GALNT2: variants seen among roughly 807,000 people sequenced by gnomAD.
GALNT2 encodes polypeptide N-acetylgalactosaminyltransferase 2.
In GALNT2, 31 loss-of-function variants were observed where a neutral mutation model predicts 81.4. That is an observed-to-expected ratio of 0.38 (90% CI 0.29 to 0.51). The LOEUF is 0.51. Ranked by LOEUF, GALNT2 falls within the 20% of genes least tolerant of loss-of-function variation. The pLI, the probability that GALNT2 is intolerant of heterozygous loss-of-function variation, is 0.87. For synonymous variants in GALNT2, 303 were observed against 287.4 expected (o/e 1.05, Z -0.55); for missense variants, 629 against 765.7 (o/e 0.82, Z 2.11).
At chr1:230,081,013 G>C (rs1267433968) in intron 1 of GALNT2, among the ~76,000 whole-genome samples, 1 of 152,188 alleles carries the variant, frequency 6.6e-6, no homozygotes, top group Non-Finnish European at 1.5e-5. Flanking sequence ...GAGCCCAGAG[G>C]CTCCTGTTCC....
At chr1:230,256,291 C>A (rs1227250984) in intron 11 of GALNT2, among the ~76,000 whole-genome samples, 1 of 152,110 alleles carries the variant, frequency 6.6e-6, no homozygotes, top group Admixed American at 6.5e-5. Flanking sequence ...ACTAAAAATA[C>A]AAAAATTAAC....
chr1:230,089,206 G>A (rs192048835), intron 1 of GALNT2, among the ~76,000 whole-genome samples: 117 of 151,258 alleles, frequency 7.7e-4, no homozygotes, highest in South Asian at 3.8e-3. Context: ...GAGTGCAATG[G>A]TGTGATCTCG....
chr1:230,132,803 T>G (rs1225816843), intron 1 of GALNT2, among the ~76,000 whole-genome samples: 2 of 152,306 alleles, frequency 1.3e-5, no homozygotes, highest in East Asian at 3.9e-4. Flanking sequence ...AATATCCGAG[T>G]GTCTATTGTG....
rs377714553 is a variant in GALNT2 at position 230,279,268 on chromosome 1, G to T, written c.1561-35G>T. The T allele has an allele frequency of 2.3e-5, 36 of 1,594,220 alleles. No individual in the cohort carries two copies. In the South Asian group the frequency reaches 3.7e-4, roughly 16 times the overall value. ...AATCTGTTTGTACTCCTTTGCTTGT[G>T]CCCACACTCTAAGGCACTCTCCTGT... is the stretch of plus-strand genomic sequence containing the variant. On this transcript the variant is annotated intron_variant, in intron 15 of 15. Transcript: ENST00000366672. This position sits in a 1 kb window ranked among gnomAD's most constrained non-coding sequence, Gnocchi z 4.6.
intron 7 of GALNT2, among the ~76,000 whole-genome samples, chr1:230,245,229 C>T (rs948041526): frequency 4.0e-5 from 6 of 151,808 alleles, no homozygotes; most frequent in African/African-American, 1.5e-4. Flanking sequence ...TTTGGGAGGC[C>T]GAGGCAGGCA....
intron 13 of GALNT2, 76 bp from the exon 14 acceptor site, chr1:230,265,164 CA>C: frequency 6.3e-7 from 1 of 1,596,798 alleles, no homozygotes; most frequent in Non-Finnish European, 8.6e-7. Context: ...GTCATGAGGC[CA>C]CTGAGCAAAG....
At chr1:230,076,703 A>G (rs917650624) in intron 1 of GALNT2, among the ~76,000 whole-genome samples, 4 of 152,152 alleles carry the variant, frequency 2.6e-5, no homozygotes, top group African/African-American at 4.8e-5. Flanking sequence ...CATAGAGGCC[A>G]TTCTCATTTA....
At chr1:230,132,519 C>G (rs77845361) in intron 1 of GALNT2, among the ~76,000 whole-genome samples, 2,941 of 152,264 alleles carry the variant, frequency 0.019, 91 homozygotes, top group African/African-American at 0.068. Flanking sequence ...TTTGGTTTTC[C>G]TGCAGGGCCA....
chr1:230,262,516 G>A (rs886726750), intron 11 of GALNT2, 57 bp from the exon 12 acceptor site: 4 of 1,450,230 alleles, frequency 2.8e-6, no homozygotes, highest in East Asian at 4.5e-5. Context: ...AGGTGCAAAT[G>A]GAGTGATGCA....
At chr1:230,154,260 A>G (rs1181878110) in intron 1 of GALNT2, among the ~76,000 whole-genome samples, 1 of 152,210 alleles carries the variant, frequency 6.6e-6, no homozygotes, top group Non-Finnish European at 1.5e-5. Flanking sequence ...ACAGTGGATA[A>G]GTTTTTCTCC....
intron 3 of GALNT2, among the ~76,000 whole-genome samples, chr1:230,213,239 CA>C (rs1664288877): frequency 6.6e-6 from 1 of 152,236 alleles, no homozygotes; most frequent in Non-Finnish European, 1.5e-5. Flanking sequence ...CCCGGAGAGG[CA>C]GACAAGGAAA....
intron 3 of GALNT2, among the ~76,000 whole-genome samples, chr1:230,204,147 CTTCTTTTTCTTT>C (rs71799972): frequency 1.3e-5 from 2 of 149,228 alleles, no homozygotes; most frequent in Admixed American, 6.7e-5. Context: ...TCCTGACCTC[CTTCTTTTTCTTT>C]TTCTTTTTCT....
rs74982308 is a variant in GALNT2, at chr1:230,147,846, C to T, written c.127-30372C>T. ...CTCCCAGCCTGGAAGGCATTGCAGG[C>T]TTCATGAAGAGAGCTCGTCTTTAGC... On this transcript the variant is annotated intron_variant, in intron 1 of 15. Coordinates refer to ENST00000366672, the MANE Select transcript of GALNT2 (RefSeq NM_004481.5). Among the ~76,000 whole-genome samples the T allele has an allele frequency of 9.8e-3, 1,499 of 152,344 alleles. 24 individuals are homozygous for T. The highest frequency in any genetic ancestry group is 0.034 in the African/African-American group (1,429 of 41,562).
intron 13 of GALNT2, chr1:230,263,213 C>T: frequency 1.8e-6 from 1 of 566,348 alleles, no homozygotes; most frequent in Non-Finnish European, 3.1e-6. Context: ...TGCAGAGCTG[C>T]CCTCCCATGC....
At chr1:230,141,015 G>A (rs1412822414) in intron 1 of GALNT2, among the ~76,000 whole-genome samples, 1 of 152,192 alleles carries the variant, frequency 6.6e-6, no homozygotes, top group Non-Finnish European at 1.5e-5. Context: ...GCAAATGTGT[G>A]TCTATTTTGA....
chr1:230,179,129 C>A (rs1663079598), intron 2 of GALNT2, among the ~76,000 whole-genome samples: 1 of 151,388 alleles, frequency 6.6e-6, no homozygotes, highest in African/African-American at 2.4e-5. Flanking sequence ...CATGTCTTTT[C>A]ATGGCTGGAT....
chr1:230,245,469 A>G (rs1310138481), intron 7 of GALNT2, among the ~76,000 whole-genome samples: 1 of 149,876 alleles, frequency 6.7e-6, no homozygotes, highest in Non-Finnish European at 1.5e-5. Flanking sequence ...CGTCTCAAAA[A>G]AAAAACAAAA....
chr1:230,140,585 T>C (rs897993538), intron 1 of GALNT2, among the ~76,000 whole-genome samples: 5 of 151,808 alleles, frequency 3.3e-5, no homozygotes, highest in Non-Finnish European at 7.4e-5. Context: ...TCCCCCTTCC[T>C]CCAGCCTGTG....
At chr1:230,123,352 G>A (rs1001957008) in intron 1 of GALNT2, among the ~76,000 whole-genome samples, 5 of 152,210 alleles carry the variant, frequency 3.3e-5, no homozygotes, top group Non-Finnish European at 5.9e-5. Context: ...CAACCCGTTA[G>A]GGGAGTTCCA....
Sources: gnomAD v4.1 joint callset for allele counts (sites outside exome capture counted in the v4.1 genomes callset) on GRCh38, gnomAD v4.1.1 for gene constraint, Gnocchi (gnomAD v3.1) non-coding constraint, MANE v1.5 for transcripts, NCBI Gene and HGNC (gene_info 2026-07-23, HGNC 2026-07-21) for gene names.